Variants in G3BP1 observed in about 807,000 individuals in gnomAD.
G3BP1 encodes G3BP stress granule assembly factor 1, also known as ras GTPase-activating protein-binding protein 1.
In G3BP1, 35 loss-of-function variants were observed where a neutral mutation model predicts 58.6. That is an observed-to-expected ratio of 0.60 (90% CI 0.46 to 0.79). The LOEUF is 0.79. Among genes scored for constraint, G3BP1 ranks in the 30% least tolerant of loss-of-function variants. The probability of loss-of-function intolerance (pLI) is 0.00; values close to 1 mark genes in which losing one functional copy is unlikely to be tolerated. For synonymous variants in G3BP1, 191 were observed against 195.4 expected, an observed-to-expected ratio of 0.98 and a Z score of 0.19; for missense variants, 523 against 580.8, an observed-to-expected ratio of 0.90 and a Z score of 1.02.
chr5:151,791,721 A>G, intron 4 of G3BP1: 1 of 173,190 alleles, frequency 5.8e-6, no homozygotes, highest in Non-Finnish European at 1.2e-5. Flanking sequence ...CAGTGGCTCC[A>G]TCTCTGCCCA....
chr5:151,800,734 TATCTG>T (rs1762836124), intron 10 of G3BP1, 21 bp from the exon 11 acceptor site: 2 of 1,324,174 alleles, frequency 1.5e-6, no homozygotes, highest in African/African-American at 1.4e-5. Context: ...TCTAAGTAGT[TATCTG>T]AGAATGTGTT....
intron 1 of G3BP1, among the ~76,000 whole-genome samples, chr5:151,780,810 CTGA>C (rs1408618625): frequency 6.6e-6 from 1 of 152,172 alleles, no homozygotes; most frequent in Non-Finnish European, 1.5e-5. Flanking sequence ...CCGCGCCTGG[CTGA>C]TAATGCTCAT....
At chr5:151,795,619 G>A (rs766124189) in intron 6 of G3BP1, 44 bp downstream of exon 6, 8 of 900,828 alleles carry the variant, frequency 8.9e-6, no homozygotes, top group Non-Finnish European at 1.5e-5. Context: ...ATAAGAACTT[G>A]CATTGTCTAG....
intron 1 of G3BP1, among the ~76,000 whole-genome samples, chr5:151,776,530 C>G (rs1762373977): frequency 6.6e-6 from 1 of 152,036 alleles, no homozygotes; most frequent in Admixed American, 6.6e-5. Context: ...TTTAATGGAT[C>G]TCGTCTGCAG....
At chr5:151,800,162 A>G (rs1331563704) in intron 9 of G3BP1, 56 bp from the exon 10 acceptor site, 8 of 1,565,196 alleles carry the variant, frequency 5.1e-6, no homozygotes, top group East Asian at 4.5e-5. Flanking sequence ...GTGAGCAGTC[A>G]TTGAAAGATG....
chr5:151,774,249 T>G (rs559865411), intron 1 of G3BP1, among the ~76,000 whole-genome samples: 1 of 152,344 alleles, frequency 6.6e-6, no homozygotes, highest in South Asian at 2.1e-4. Flanking sequence ...CAGTTTGCTG[T>G]TCCTGAGCTG....
At chr5:151,772,622 G>C (rs1276881431) in intron 1 of G3BP1, 1 of 152,512 alleles carries the variant, frequency 6.6e-6, no homozygotes, top group East Asian at 1.9e-4. Context: ...GCACTGTGCG[G>C]AGCCACTTTT....
intron 11 of G3BP1, 80 bp downstream of exon 11, chr5:151,800,949 G>T: frequency 2.9e-6 from 2 of 684,660 alleles, no homozygotes; most frequent in Non-Finnish European, 2.6e-6. Context: ...TTTACAGCTG[G>T]GTCTTTATGT....
rs966329205 is a variant in G3BP1, at chr5:151,796,824, T to C, written c.540-403T>C. Among the ~76,000 whole-genome samples, 4 of 152,194 alleles carry C rather than the reference T, an allele frequency of 2.6e-5. No homozygotes were observed. In the South Asian group the frequency reaches 8.3e-4, roughly 31 times the overall value. On this transcript the variant is annotated intron_variant, in intron 6 of 11. Coordinates refer to ENST00000356245, the MANE Select transcript of G3BP1 (RefSeq NM_005754.3). Reference sequence around the variant, plus strand: ...AGGACTTTTCACCTTACAACTTTTATTGAAGATAACTTTATATACCTTATA... The same window carrying C: ...AGGACTTTTCACCTTACAACTTTTACTGAAGATAACTTTATATACCTTATA...
intron 7 of G3BP1, 35 bp downstream of exon 7, chr5:151,797,463 A>G: frequency 6.4e-7 from 1 of 1,559,688 alleles, no homozygotes; most frequent in Non-Finnish European, 8.7e-7. Flanking sequence ...TTCTATTCCT[A>G]GTTATTTTTT....
At chr5:151,783,127 G>A (rs1237867504) in intron 1 of G3BP1, among the ~76,000 whole-genome samples, 1 of 151,878 alleles carries the variant, frequency 6.6e-6, no homozygotes, top group Non-Finnish European at 1.5e-5. Context: ...AAAGTGCTGG[G>A]GTTACAAGCG....
rs1762992127 is a variant in G3BP1, at chr5:151,809,836, T to C, written c.*5745T>C. On this transcript the variant is annotated 3_prime_UTR_variant, in exon 12 of 12. Transcript: ENST00000356245. ...TTCTGTAGTTTTCATACCCCTGTTT[T>C]CTCAATTTTCTTAGAACTGTCTTTA... is the stretch of plus-strand genomic sequence containing the variant. The C allele has an allele frequency of 6.6e-6, 1 of 152,202 alleles. No individual in the cohort carries two copies. The highest frequency in any genetic ancestry group is 2.4e-5 in the African/African-American group (1 of 41,430). The allele number at this position is 152,202 out of a possible 1,614,324, so 9.4% of individuals were successfully genotyped here. A position where few individuals can be genotyped will look rare whatever the true frequency, so the allele number is the denominator to read the frequency against.
chr5:151,773,413 C>A (rs1194427562), intron 1 of G3BP1, among the ~76,000 whole-genome samples: 1 of 152,156 alleles, frequency 6.6e-6, no homozygotes, highest in Non-Finnish European at 1.5e-5. Flanking sequence ...CTGTGACAGT[C>A]GAGATCTGTG....
chr5:151,807,536 G>A lies in G3BP1; in HGVS notation c.*3445G>A, dbSNP rs901401008. ...TTTTTTGATTTGCAGATTATATATG[G>A]TAACACAATAATGGTGGTTTGTTTT... On this transcript the variant is annotated 3_prime_UTR_variant, in exon 12 of 12. Transcript: ENST00000356245. 6.6e-6 allele frequency: 1 copy of A among 152,084 alleles called. No individual in the cohort carries two copies. The highest frequency in any genetic ancestry group is 1.9e-4 in the East Asian group (1 of 5,198). 9.4% of individuals were successfully genotyped at this position (152,084 alleles called of 1,614,324 possible).
rs1762711054 is a variant in G3BP1, at chr5:151,794,356, T to A, written c.442+107T>A. On this transcript the variant is annotated intron_variant, in intron 5 of 11. Coordinates refer to ENST00000356245, the MANE Select transcript of G3BP1 (RefSeq NM_005754.3). ...TTACTGTTTTCATTACACTCTGTTC[T>A]TCATTAATAACTAATTATGGTATAT... The A allele has an allele frequency of 6.0e-6, 4 of 665,076 alleles. No individual in the cohort carries two copies. The East Asian group carries it at 1.1e-4, about 18-fold the overall frequency. The allele number at this position is 665,076 out of a possible 1,614,324, so 41.2% of individuals were successfully genotyped here.
At chr5:151,784,724 A>G (rs548900337) in intron 1 of G3BP1, among the ~76,000 whole-genome samples, 12 of 152,218 alleles carry the variant, frequency 7.9e-5, no homozygotes, top group South Asian at 2.1e-4. Flanking sequence ...AAGGAAGTAC[A>G]TATTTAGTCA....
chr5:151,781,358 T>A (rs1177231558), intron 1 of G3BP1, among the ~76,000 whole-genome samples: 3 of 152,226 alleles, frequency 2.0e-5, no homozygotes, highest in African/African-American at 7.2e-5. Context: ...CCTAGCCACC[T>A]CCTGTAAATA....
At chr5:151,776,784 C>G (rs1187927979) in intron 1 of G3BP1, among the ~76,000 whole-genome samples, 1 of 151,664 alleles carries the variant, frequency 6.6e-6, no homozygotes, top group Non-Finnish European at 1.5e-5. Context: ...TCCAGGCTGT[C>G]TCACACTCCT....
intron 1 of G3BP1, among the ~76,000 whole-genome samples, chr5:151,773,251 C>G (rs1340057163): frequency 6.6e-6 from 1 of 152,032 alleles, no homozygotes; most frequent in African/African-American, 2.4e-5. Context: ...AGGTGCAAAG[C>G]GACGAATTTA....
Sources: gnomAD v4.1 joint callset for allele counts (sites outside exome capture counted in the v4.1 genomes callset) on GRCh38, gnomAD v4.1.1 for gene constraint, MANE v1.5 for transcripts, NCBI Gene and HGNC (gene_info 2026-07-23, HGNC 2026-07-21) for gene names.